Variants in OSBPL9 observed in about 807,000 individuals in gnomAD.
The protein encoded by OSBPL9 is oxysterol binding protein like 9.
In OSBPL9, 40 loss-of-function variants were observed where a neutral mutation model predicts 106.6. The ratio of observed to expected loss-of-function variants is 0.38; its 90% CI spans 0.29 to 0.49. The LOEUF (loss-of-function observed/expected upper bound fraction) is 0.49, where lower values mean the gene tolerates loss of function less well. Ranked by LOEUF, OSBPL9 falls within the 20% of genes least tolerant of loss-of-function variation. OSBPL9 has a pLI of 0.97. For missense variants in OSBPL9, 609 were observed against 887.2 expected (o/e 0.69, Z 3.98); for synonymous variants, 269 against 295.4 (o/e 0.91, Z 0.92).
chr1:51,741,243 C>T (rs1666830055), intron 4 of OSBPL9, among the ~76,000 whole-genome samples: 1 of 152,106 alleles, frequency 6.6e-6, no homozygotes, highest in Non-Finnish European at 1.5e-5. Flanking sequence ...AGAAATTCCC[C>T]TTAAATTGGC....
At chr1:51,627,899 G>A (rs559405296) in intron 1 of OSBPL9, among the ~76,000 whole-genome samples, 1 of 152,208 alleles carries the variant, frequency 6.6e-6, no homozygotes, top group East Asian at 1.9e-4. Context: ...TAAACCCAAT[G>A]GGTGCTTTTT....
chr1:51,620,008 T>A (rs1422386926), intron 1 of OSBPL9, among the ~76,000 whole-genome samples: 2 of 152,212 alleles, frequency 1.3e-5, no homozygotes, highest in African/African-American at 2.4e-5. Flanking sequence ...TGAACTAAAC[T>A]AGAGTGACCT....
At chr1:51,781,026 A>G (rs1330525075) in intron 15 of OSBPL9, 138 bp from the exon 16 acceptor site, 3 of 652,038 alleles carry the variant, frequency 4.6e-6, no homozygotes, top group Admixed American at 2.9e-5. Context: ...CAATTTTAAA[A>G]TGAAACTGTA....
intron 3 of OSBPL9, among the ~76,000 whole-genome samples, chr1:51,701,129 G>C (rs1260323036): frequency 1.3e-5 from 2 of 152,002 alleles, no homozygotes; most frequent in African/African-American, 2.4e-5. Context: ...TAGTAGAGAC[G>C]AGGTTTCACC....
At chr1:51,564,174 T>G in the OSBPL9 span, among the ~76,000 whole-genome samples, 1 of 148,806 alleles carries the variant, frequency 6.7e-6, no homozygotes, top group Admixed American at 6.7e-5. Flanking sequence ...CCCCCTCCCA[T>G]CATCATCTAT....
intron 1 of OSBPL9, among the ~76,000 whole-genome samples, chr1:51,638,387 G>C (rs1343435415): frequency 6.6e-6 from 1 of 152,010 alleles, no homozygotes; most frequent in Non-Finnish European, 1.5e-5. Flanking sequence ...CAGTAACTGG[G>C]GAAGGGTCTC....
intron 1 of OSBPL9, among the ~76,000 whole-genome samples, chr1:51,636,848 A>G (rs1471699548): frequency 6.6e-6 from 1 of 152,120 alleles, no homozygotes; most frequent in African/African-American, 2.4e-5. Flanking sequence ...ATCTGATCCA[A>G]AGGTCTTGGG....
intron 3 of OSBPL9, among the ~76,000 whole-genome samples, chr1:51,695,393 G>A (rs1655813263): frequency 6.6e-6 from 1 of 152,058 alleles, no homozygotes; most frequent in Non-Finnish European, 1.5e-5. Flanking sequence ...AAATAGTTTT[G>A]CACTGAGGAC....
chr1:51,749,552 C>A, intron 7 of OSBPL9: 1 of 409,178 alleles, frequency 2.4e-6, no homozygotes, highest in Non-Finnish European at 5.1e-6. Context: ...CTCAAGCGAT[C>A]CTCCTTCCTT....
intron 4 of OSBPL9, among the ~76,000 whole-genome samples, chr1:51,735,449 T>C (rs558249267): frequency 3.5e-4 from 53 of 152,150 alleles, no homozygotes; most frequent in African/African-American, 1.3e-3. Flanking sequence ...GGAGTACTGC[T>C]TTACCCCTCC....
At chr1:51,587,348 G>C (rs1278330929) in intron 1 of OSBPL9, among the ~76,000 whole-genome samples, 2 of 152,122 alleles carry the variant, frequency 1.3e-5, no homozygotes, top group Non-Finnish European at 2.9e-5. Context: ...CTGGGTGACA[G>C]AGCCAGACTC....
At chr1:51,518,847 G>A in the OSBPL9 span, among the ~76,000 whole-genome samples, 2 of 151,930 alleles carry the variant, frequency 1.3e-5, no homozygotes, top group South Asian at 2.1e-4. Context: ...CCTGTGGGAG[G>A]AAACTTCCTG....
intron 3 of OSBPL9, among the ~76,000 whole-genome samples, chr1:51,699,506 A>G (rs777876550): frequency 6.6e-6 from 1 of 152,068 alleles, no homozygotes; most frequent in Non-Finnish European, 1.5e-5. Flanking sequence ...AAATGTCTTT[A>G]TTTATTTTGA....
chr1:51,559,754 G>A, the OSBPL9 span, among the ~76,000 whole-genome samples: 1 of 152,032 alleles, frequency 6.6e-6, no homozygotes, highest in Admixed American at 6.6e-5. Context: ...TGTTTTCAGT[G>A]GGGGGATAAG....
chr1:51,608,168 G>T (rs1184258876), intron 2 of OSBPL9, among the ~76,000 whole-genome samples: 1 of 152,206 alleles, frequency 6.6e-6, no homozygotes, highest in Non-Finnish European at 1.5e-5. Flanking sequence ...TAGTGTGCAT[G>T]CTTGAGCCCA....
At chr1:51,626,736 T>C (rs899514978) in intron 1 of OSBPL9, among the ~76,000 whole-genome samples, 4 of 151,998 alleles carry the variant, frequency 2.6e-5, no homozygotes, top group Non-Finnish European at 4.4e-5. Context: ...CCCAGGCTAG[T>C]CTTGAACTCC....
At chr1:51,709,160 C>A in intron 3 of OSBPL9, 1 of 160,466 alleles carries the variant, frequency 6.2e-6, no homozygotes, top group South Asian at 1.7e-4. Flanking sequence ...TTGAGCCAGT[C>A]AAGGCACTGC....
intron 1 of OSBPL9, among the ~76,000 whole-genome samples, chr1:51,595,559 G>A (rs1397118881): frequency 1.3e-5 from 2 of 152,196 alleles, no homozygotes; most frequent in South Asian, 2.1e-4. Context: ...AAGAAATGGG[G>A]GAGGGAGGAG....
chr1:51,661,973 C>T (rs1484524920), intron 2 of OSBPL9, among the ~76,000 whole-genome samples: 4 of 152,120 alleles, frequency 2.6e-5, no homozygotes, highest in African/African-American at 9.7e-5. Flanking sequence ...GTGACCACAT[C>T]CCTTAAACCA....
Sources: allele counts gnomAD v4.1 joint callset (sites outside exome capture counted in the v4.1 genomes callset), GRCh38; gene constraint gnomAD v4.1.1; transcripts MANE v1.5; gene names NCBI Gene and HGNC (gene_info 2026-07-23, HGNC 2026-07-21).